Variants in LANCL3 observed in about 807,000 individuals in gnomAD.
LANCL3 encodes the protein LanC like family member 3.
In LANCL3, 19 loss-of-function variants were observed where a neutral mutation model predicts 26.5. The ratio of observed to expected loss-of-function variants is 0.72; its 90% CI spans 0.50 to 1.05. The LOEUF is 1.05. LANCL3 is among the 50% of genes least tolerant of loss of function. LANCL3 has a pLI of 0.00. For synonymous variants in LANCL3, 160 were observed against 166.6 expected, an observed-to-expected ratio of 0.96 and a Z score of 0.30; for missense variants, 318 against 362.7, an observed-to-expected ratio of 0.88 and a Z score of 1.00.
At chrX:37,646,973 A>T (rs1926000714) in intron 1 of LANCL3, among the ~76,000 whole-genome samples, 1 of 111,656 alleles carries the variant, frequency 9.0e-6, no homozygotes. Flanking sequence ...GTTTATTCGG[A>T]ACTATCCTTC....
intron 1 of LANCL3, among the ~76,000 whole-genome samples, chrX:37,611,147 G>T (rs1398313311): frequency 8.9e-6 from 1 of 112,125 alleles, no homozygotes; most frequent in Non-Finnish European, 1.9e-5. Context: ...TTGGTTGGGG[G>T]CATTTGCTCT....
chrX:37,605,218 T>C (rs1924675797), intron 1 of LANCL3, among the ~76,000 whole-genome samples: 1 of 111,985 alleles, frequency 8.9e-6, no homozygotes, highest in Non-Finnish European at 1.9e-5. Flanking sequence ...CCACAGTGGA[T>C]GTGGTATTAT....
chrX:37,614,489 A>C (rs1924957799), intron 1 of LANCL3, among the ~76,000 whole-genome samples: 1 of 112,164 alleles, frequency 8.9e-6, no homozygotes, highest in African/African-American at 3.2e-5. Flanking sequence ...TTTCCACACA[A>C]CTTACCAGAT....
chrX:37,659,486 T>C lies in LANCL3; in HGVS notation c.722T>C (p.Ile241Thr). ...YLGAAHGLSSILQMLLSYHEH... is the reference protein window; with the variant it reads ...YLGAAHGLSSTLQMLLSYHEH... ...GGGGCAGCTCACGGCTTGTCGTCTA[T>C]TCTTCAGATGCTTCTTTCTTACCAT... is the stretch of plus-strand genomic sequence containing the variant. The change falls in exon 3 of 5, where the codon ATT becomes ACT. Residue 241 changes from isoleucine to threonine, a missense_variant. By Grantham distance (89) the Ile-to-Thr change is moderately conservative (BLOSUM62 -1). Transcript: ENST00000378619. The C allele has an allele frequency of 8.3e-7, 1 of 1,210,742 alleles. No homozygotes were observed. Among genetic ancestry groups the C allele is most frequent in the Non-Finnish European group, 1.1e-6 (1 of 894,910 alleles).
At chrX:37,631,140 T>C (rs1482126761) in intron 1 of LANCL3, among the ~76,000 whole-genome samples, 1 of 112,017 alleles carries the variant, frequency 8.9e-6, no homozygotes, top group Middle Eastern at 4.2e-3. Context: ...CCTGTTATTG[T>C]TCTATTCAGA....
intron 1 of LANCL3, among the ~76,000 whole-genome samples, chrX:37,613,207 A>C (rs1249298040): frequency 1.8e-5 from 2 of 109,576 alleles, no homozygotes; most frequent in African/African-American, 6.7e-5. Flanking sequence ...ACCTGACATC[A>C]TGTTACATAT....
At chrX:37,660,241 G>C (rs1427779997) in intron 3 of LANCL3, among the ~76,000 whole-genome samples, 1 of 111,493 alleles carries the variant, frequency 9.0e-6, no homozygotes, top group Non-Finnish European at 1.9e-5. Flanking sequence ...CTGAGAGCTT[G>C]ATAAAAATCC....
At chrX:37,606,137 A>G (rs1556420518) in intron 1 of LANCL3, among the ~76,000 whole-genome samples, 1 of 111,772 alleles carries the variant, frequency 8.9e-6, no homozygotes, top group East Asian at 2.8e-4. Flanking sequence ...CTCCCAGTGG[A>G]CTCACATAGG....
intron 1 of LANCL3, among the ~76,000 whole-genome samples, chrX:37,595,463 T>C (rs1924399206): frequency 8.9e-6 from 1 of 112,234 alleles, no homozygotes; most frequent in African/African-American, 3.2e-5. Context: ...GGATTCTTAG[T>C]TGGTCATGAA....
At chrX:37,600,880 T>C (rs930517034) in intron 1 of LANCL3, among the ~76,000 whole-genome samples, 1 of 111,793 alleles carries the variant, frequency 8.9e-6, no homozygotes, top group Non-Finnish European at 1.9e-5. Flanking sequence ...AACTAGCAAG[T>C]GGGACAGTGG....
chrX:37,579,263 T>A (rs1923833701), intron 1 of LANCL3, among the ~76,000 whole-genome samples: 1 of 111,433 alleles, frequency 9.0e-6, no homozygotes, highest in Non-Finnish European at 1.9e-5. Context: ...TTCTCCTTTT[T>A]TTGCTATCAC....
intron 1 of LANCL3, 94 bp downstream of exon 1, chrX:37,572,537 C>A: frequency 4.1e-6 from 3 of 735,237 alleles, no homozygotes; most frequent in Non-Finnish European, 6.0e-6. Context: ...TCCCGAGTTG[C>A]TCTCCAAGTC....
intron 1 of LANCL3, among the ~76,000 whole-genome samples, chrX:37,574,626 C>G (rs1199710730): frequency 1.8e-5 from 2 of 111,791 alleles, no homozygotes; most frequent in African/African-American, 6.5e-5. Flanking sequence ...TTTCCCTGCT[C>G]AACATACTGC....
At chrX:37,657,009 G>A in intron 2 of LANCL3, among the ~76,000 whole-genome samples, 1 of 112,933 alleles carries the variant, frequency 8.9e-6, no homozygotes, top group South Asian at 3.6e-4. Flanking sequence ...AATTGAGTGT[G>A]TAATAATGAG....
At chrX:37,614,185 G>A (rs1391480170) in intron 1 of LANCL3, among the ~76,000 whole-genome samples, 1 of 111,086 alleles carries the variant, frequency 9.0e-6, no homozygotes, top group Admixed American at 9.6e-5. Flanking sequence ...CACTAACTGG[G>A]GGCACCTTTG....
chrX:37,595,627 G>C lies in LANCL3; in HGVS notation c.573+23184G>C, dbSNP rs150897819. 9.8e-3 allele frequency among the ~76,000 whole-genome samples: 1,098 copies of C among 112,394 alleles called. 6 individuals carry two copies. The highest frequency in any genetic ancestry group is 0.034 in the African/African-American group (1,039 of 30,997). ...TCTGTGCTGACAAGTAGAACTCTCT[G>C]ATTGTAAACATCTTTTAGGAAACTG... On this transcript the variant is annotated intron_variant, in intron 1 of 4. Coordinates refer to ENST00000378619, the MANE Select transcript of LANCL3 (RefSeq NM_001170331.2).
At position 37,681,852 on chromosome X, in the gene LANCL3, T is replaced by C. The variant is rs2146802561; in HGVS notation, c.*6039T>C. 1 of 111,579 alleles carries C rather than the reference T, an allele frequency of 9.0e-6. No homozygotes were observed. The highest frequency in any genetic ancestry group is 3.3e-5 in the African/African-American group (1 of 30,678). 9.2% of individuals were successfully genotyped at this position (111,579 alleles called of 1,213,427 possible). ...CCCGAGAGCCACAATATCTCTTTTG[T>C]TCTAGAACAACCACCTCCTAAATTG... On this transcript the variant is annotated 3_prime_UTR_variant, in exon 5 of 5. Transcript: ENST00000378619.
chrX:37,590,026 G>A (rs1556418690), intron 1 of LANCL3, among the ~76,000 whole-genome samples: 1 of 112,496 alleles, frequency 8.9e-6, no homozygotes, highest in East Asian at 2.8e-4. Flanking sequence ...AAAACTGTAG[G>A]ATCTTTGCAG....
chrX:37,628,733 T>A (rs1556423568), intron 1 of LANCL3, among the ~76,000 whole-genome samples: 2 of 108,171 alleles, frequency 1.8e-5, no homozygotes, highest in African/African-American at 6.7e-5. Context: ...TTACTGAGAA[T>A]GACGATTTCT....
Sources: allele counts gnomAD v4.1 joint callset (sites outside exome capture counted in the v4.1 genomes callset), GRCh38; gene constraint gnomAD v4.1.1; transcripts MANE v1.5; gene names NCBI Gene and HGNC (gene_info 2026-07-23, HGNC 2026-07-21).